The following COBLL1 variants were observed in gnomAD, a reference collection of about 807,000 sequenced individuals.
The protein encoded by COBLL1 is cordon-bleu protein-like 1.
A neutral mutation model predicts 94.8 loss-of-function variants in COBLL1; 50 were observed. That is an observed-to-expected ratio of 0.53 (90% CI 0.42 to 0.67). The LOEUF is 0.67. Among genes scored for constraint, COBLL1 ranks in the 30% least tolerant of loss-of-function variants. COBLL1 has a pLI of 0.00. For synonymous variants in COBLL1, 448 were observed against 473.8 expected (o/e 0.95, Z 0.71); for missense variants, 1,362 against 1,348.7 (o/e 1.01, Z -0.15).
At chr2:164,770,848 A>T (rs1216178062) in intron 2 of COBLL1, among the ~76,000 whole-genome samples, 1 of 152,140 alleles carries the variant, frequency 6.6e-6, no homozygotes, top group Non-Finnish European at 1.5e-5. Flanking sequence ...AGCCATTAAA[A>T]CAACTTTTAT....
At chr2:164,841,865 AG>A (rs1419525309), upstream of COBLL1, 3 of 917,246 alleles carry the variant, frequency 3.3e-6, no homozygotes, top group Non-Finnish European at 4.9e-6. This position sits in a 1 kb window ranked among gnomAD's most constrained non-coding sequence, Gnocchi z 5.5. Flanking sequence ...CAGCGCGGGC[AG>A]GGCCGACTCA....
chr2:164,763,953 G>C (rs1363655394), intron 2 of COBLL1, among the ~76,000 whole-genome samples: 1 of 152,156 alleles, frequency 6.6e-6, no homozygotes, highest in African/African-American at 2.4e-5. Flanking sequence ...CTGGAGTGCA[G>C]GGGCGTAACT....
chr2:164,805,775 T>C (rs1574623643), intron 2 of COBLL1, among the ~76,000 whole-genome samples: 1 of 152,156 alleles, frequency 6.6e-6, no homozygotes, highest in African/African-American at 2.4e-5. Flanking sequence ...CAATTATGAA[T>C]AAAGCTGCCA....
upstream of COBLL1, chr2:164,841,883 C>A (rs1683643438): frequency 1.7e-6 from 2 of 1,184,756 alleles, no homozygotes; most frequent in Admixed American, 2.0e-5. The surrounding 1 kb of genome is among the most constrained non-coding windows in gnomAD (Gnocchi z 5.5). Context: ...CTCAGCACCT[C>A]CCCTGTCCCG....
chr2:164,752,011 T>G (rs1038182697), intron 2 of COBLL1, among the ~76,000 whole-genome samples: 25 of 152,132 alleles, frequency 1.6e-4, no homozygotes, highest in Admixed American at 1.2e-3. Flanking sequence ...GACTCAACTT[T>G]CAGTTATACT....
chr2:164,750,293 C>A (rs1687064119), intron 2 of COBLL1, among the ~76,000 whole-genome samples: 1 of 152,118 alleles, frequency 6.6e-6, no homozygotes, highest in Non-Finnish European at 1.5e-5. Context: ...CTCACACAAA[C>A]CTACTCTATA....
At chr2:164,768,402 T>G (rs984975142) in intron 2 of COBLL1, among the ~76,000 whole-genome samples, 7 of 148,662 alleles carry the variant, frequency 4.7e-5, no homozygotes, top group African/African-American at 1.8e-4. Context: ...TAAACTTTCT[T>G]AAAACATTAT....
chr2:164,754,675 C>T (rs757414489), intron 2 of COBLL1, among the ~76,000 whole-genome samples: 13 of 152,222 alleles, frequency 8.5e-5, no homozygotes, highest in Non-Finnish European at 1.6e-4. Flanking sequence ...TAAAGCACTG[C>T]TCCTGGCATC....
At chr2:164,750,623 T>G (rs558232430) in intron 2 of COBLL1, among the ~76,000 whole-genome samples, 4 of 152,196 alleles carry the variant, frequency 2.6e-5, no homozygotes, top group Admixed American at 6.5e-5. Context: ...CTTTTAAATA[T>G]GTATGCCATT....
chr2:164,669,377 T>A (rs549620844), intron 1 of COBLL1, among the ~76,000 whole-genome samples: 1 of 152,336 alleles, frequency 6.6e-6, no homozygotes, highest in African/African-American at 2.4e-5. Flanking sequence ...TGGAATTCAA[T>A]TCAAAGGAAA....
Position 164,729,899 on chromosome 2 carries a change from T to C in COBLL1, c.432+15A>G. The C allele has an allele frequency of 6.3e-7, 1 of 1,594,266 alleles. No homozygotes were observed. On this transcript the variant is annotated intron_variant, in intron 4 of 13. Transcript: ENST00000652658. ...TGACTGAATAAGACATCAAAATATA[T>C]AATGGAATTCTTACCTCTGGTATTA...
At chr2:164,800,288 G>T (rs558082061) in intron 2 of COBLL1, among the ~76,000 whole-genome samples, 3 of 152,060 alleles carry the variant, frequency 2.0e-5, no homozygotes, top group Admixed American at 2.0e-4. Context: ...TCTCAAAAAA[G>T]GATATACAAA....
At chr2:164,821,335 C>A (rs1361103086) in intron 2 of COBLL1, among the ~76,000 whole-genome samples, 1 of 152,174 alleles carries the variant, frequency 6.6e-6, no homozygotes, top group Non-Finnish European at 1.5e-5. Context: ...TTTGTGCTGT[C>A]AAGAGAACGA....
At chr2:164,769,083 C>G (rs1237668023) in intron 2 of COBLL1, among the ~76,000 whole-genome samples, 1 of 152,038 alleles carries the variant, frequency 6.6e-6, no homozygotes, top group African/African-American at 2.4e-5. Context: ...AAAGAAGATG[C>G]TCAATAAAAC....
intron 3 of COBLL1, among the ~76,000 whole-genome samples, chr2:164,734,451 T>A (rs1352535570): frequency 6.6e-6 from 1 of 152,190 alleles, no homozygotes; most frequent in Non-Finnish European, 1.5e-5. Flanking sequence ...GCCTTTCAAG[T>A]GAAGACTTGA....
At position 164,695,509 on chromosome 2, in the gene COBLL1, T is replaced by C. The variant is rs1227761857; in HGVS notation, c.1883A>G (p.Glu628Gly). ...QDHNLSDSKV[E>G]ECVQTSNNNI... ...GTTATTTGAAGTTTGCACACATTCT[T>C]CAACTTTGGAGTCAGATAAATTATG... Residue 628 changes from glutamate to glycine, a missense_variant, in exon 12 of 14, where the codon GAA (glutamate) becomes GGA (glycine). Transcript: ENST00000652658. The C allele has an allele frequency of 6.2e-7, 1 of 1,613,876 alleles. No individual in the cohort carries two copies. The highest frequency in any genetic ancestry group is 1.7e-5 in the Admixed American group (1 of 59,984).
At chr2:164,838,212 T>A (rs1248769363) in intron 2 of COBLL1, among the ~76,000 whole-genome samples, 1 of 152,222 alleles carries the variant, frequency 6.6e-6, no homozygotes, top group Non-Finnish European at 1.5e-5. Flanking sequence ...CCAACCCATA[T>A]AATTCACAAT....
chr2:164,694,385 G>C lies in COBLL1; in HGVS notation c.3007C>G (p.Arg1003Gly). ...GCACTGGCACTAGGTGACTCGGTGC[G>C]CTCTTTACTGAAAGACTGTGACCTT... ...VKRSQSFSKE[R>G]TESPSASALV... The change falls in exon 12 of 14, where the codon CGC (arginine) becomes GGC (glycine). Residue 1003 changes from arginine to glycine, a missense_variant. Transcript: ENST00000652658. 6.2e-7 allele frequency: 1 copy of C among 1,613,948 alleles called. No homozygotes were observed.
chr2:164,810,399 A>G (rs1684404959), intron 2 of COBLL1, among the ~76,000 whole-genome samples: 1 of 151,676 alleles, frequency 6.6e-6, no homozygotes, highest in South Asian at 2.1e-4. Context: ...AAGTAATTAT[A>G]TAAGTATATG....
Sources: gnomAD v4.1 joint callset for allele counts (sites outside exome capture counted in the v4.1 genomes callset) on GRCh38, gnomAD v4.1.1 for gene constraint, Gnocchi (gnomAD v3.1) non-coding constraint, MANE v1.5 for transcripts, NCBI Gene and HGNC (gene_info 2026-07-23, HGNC 2026-07-21) for gene names.